TNNI2: variants seen among roughly 807,000 people sequenced by gnomAD.
The protein encoded by TNNI2 is troponin I2, fast skeletal type.
TNNI2 carries 14 observed loss-of-function variants against 26.5 expected under a neutral mutation model. The ratio of observed to expected loss-of-function variants is 0.53; its 90% CI spans 0.35 to 0.83. The LOEUF is 0.83. TNNI2 is among the 40% of genes least tolerant of loss of function. TNNI2 has a pLI of 0.01. For missense variants in TNNI2, 205 were observed against 248.5 expected, an observed-to-expected ratio of 0.82 and a Z score of 1.18; for synonymous variants, 126 against 97.6, an observed-to-expected ratio of 1.29 and a Z score of -1.71.
At position 1,840,802 on chromosome 11, in the gene TNNI2, C is replaced by G; in HGVS notation, c.187-17C>G. ...CCAAGTGTCAGGACGGCCGCCCGCC[C>G]CCACACCCACCCCTAGGAGCTCTGC... On this transcript the variant is annotated splice_polypyrimidine_tract_variant and intron_variant, in intron 5 of 7. Coordinates refer to ENST00000381911, the MANE Select transcript of TNNI2 (RefSeq NM_003282.4). 6.2e-7 allele frequency: 1 copy of G among 1,608,598 alleles called. No individual in the cohort carries two copies. Among genetic ancestry groups the G allele is most frequent in the Non-Finnish European group, 8.5e-7 (1 of 1,178,030 alleles).
chr11:1,841,051 G>A lies in TNNI2; in HGVS notation c.297G>A (p.Lys99=). The part of the protein sequence containing the change: ...TSKELEDMNQ[K]LFDLRGKFKR... Reference sequence around the variant, plus strand: ...CACAGCTGGAGGACATGAACCAGAAGCTATTTGATCTGCGGGGCAAGTTCA... The same window carrying A: ...CACAGCTGGAGGACATGAACCAGAAACTATTTGATCTGCGGGGCAAGTTCA... The change falls in exon 7 of 8, where the codon AAG becomes AAA. Residue 99 remains lysine, a synonymous_variant. Coordinates refer to ENST00000381911, the MANE Select transcript of TNNI2 (RefSeq NM_003282.4). The A allele has an allele frequency of 1.9e-6, 3 of 1,613,124 alleles. No individual in the cohort carries two copies. The highest frequency in any genetic ancestry group is 1.1e-5 in the South Asian group (1 of 91,078).
chr11:1,840,650 A>C lies in TNNI2; in HGVS notation c.180A>C (p.Glu60Asp), dbSNP rs576629453. Reference sequence around the variant, plus strand: ...TGCATATCCCGGGCTCCATGTCTGAAGTGCAGGTACCAGCCCCTCCCCGGC... The same window carrying C: ...TGCATATCCCGGGCTCCATGTCTGACGTGCAGGTACCAGCCCCTCCCCGGC... ...PPLHIPGSMS[E>D]VQELCKQLHA... The change falls in exon 5 of 8, where the codon GAA (glutamate) becomes GAC (aspartate). Residue 60 changes from glutamate to aspartate, a missense_variant. By Grantham distance (45) the Glu-to-Asp change is conservative. Coordinates refer to ENST00000381911, the MANE Select transcript of TNNI2 (RefSeq NM_003282.4). The C allele has an allele frequency of 6.2e-7, 1 of 1,612,756 alleles. No homozygotes were observed. Among genetic ancestry groups the C allele is most frequent in the Admixed American group, 1.7e-5 (1 of 60,020 alleles).
chr11:1,840,119 C>A, intron 3 of TNNI2: 1 of 1,277,358 alleles, frequency 7.8e-7, no homozygotes, highest in Non-Finnish European at 1.1e-6. Flanking sequence ...CTTCCCGCCC[C>A]CACCTCACCG....
intron 1 of TNNI2, 181 bp from the exon 2 acceptor site, chr11:1,839,494 C>T: frequency 1.6e-6 from 1 of 623,214 alleles, no homozygotes; most frequent in Non-Finnish European, 2.8e-6. Flanking sequence ...TACTTCTCAC[C>T]CTGGGGAATT....
rs113795611 is a variant in TNNI2 at position 1,839,720 on chromosome 11, G to C, written c.8+16G>C. Reference sequence around the variant, plus strand: ...GGATGGGAGAGTAAGTGGTACCCCTGTACCCCCATACAGTGACCCTGCCCA... The same window carrying C: ...GGATGGGAGAGTAAGTGGTACCCCTCTACCCCCATACAGTGACCCTGCCCA... On this transcript the variant is annotated intron_variant, in intron 2 of 7. Coordinates refer to ENST00000381911, the MANE Select transcript of TNNI2 (RefSeq NM_003282.4). 1.2e-6 allele frequency: 2 copies of C among 1,613,818 alleles called. No individual in the cohort carries two copies.
intron 2 of TNNI2, 33 bp from the exon 3 acceptor site, chr11:1,839,816 C>T: frequency 6.2e-7 from 1 of 1,613,848 alleles, no homozygotes; most frequent in African/African-American, 1.3e-5. Flanking sequence ...GTCTTCTCTC[C>T]CCGTCCTGCC....
Position 1,840,566 on chromosome 11 carries a change from G to A in TNNI2, c.96G>A (p.Lys32=). 1 of 1,612,624 alleles carries A rather than the reference G, an allele frequency of 6.2e-7. No homozygotes were observed. The highest frequency in any genetic ancestry group is 8.5e-7 in the Non-Finnish European group (1 of 1,179,804). The change falls in exon 5 of 8, where the codon AAG becomes AAA. Residue 32 remains lysine (K), a synonymous_variant. Transcript: ENST00000381911. ...MLQIAATELE[K]EESRREAEKQ... ...AGATAGCGGCCACGGAGCTGGAGAA[G>A]GAGGAGAGCCGCCGTGAGGCAGAGA...
chr11:1,841,089 T>C lies in TNNI2; in HGVS notation c.335T>C (p.Leu112Pro). Residue 112 changes from leucine to proline, a missense_variant, in exon 7 of 8, where the codon CTG (leucine) becomes CCG (proline). Physicochemically the swap from Leu to Pro is moderately conservative, Grantham distance 98. Coordinates refer to ENST00000381911, the MANE Select transcript of TNNI2 (RefSeq NM_003282.4). ...DLRGKFKRPP[L>P]RRVRMSADAM... is the part of the protein sequence containing the mutation. ...CGGGGCAAGTTCAAGCGGCCCCCAC[T>C]GCGGAGGGTGCGCATGTCGGCCGAT... is the stretch of plus-strand genomic sequence containing the variant. 1 of 1,613,136 alleles carries C rather than the reference T, an allele frequency of 6.2e-7. No homozygotes were observed. The highest frequency in any genetic ancestry group is 8.5e-7 in the Non-Finnish European group (1 of 1,179,954).
chr11:1,840,926 G>T lies in TNNI2; in HGVS notation c.276+18G>T. Reference sequence around the variant, plus strand: ...GCAAGGAGGTGAGTGGTGGCGGCGGGCCGGCGGCAGGCGGGTAGGCGGTGG... The same window carrying T: ...GCAAGGAGGTGAGTGGTGGCGGCGGTCCGGCGGCAGGCGGGTAGGCGGTGG... On this transcript the variant is annotated intron_variant, in intron 6 of 7. Transcript: ENST00000381911. 6.2e-7 allele frequency: 1 copy of T among 1,608,798 alleles called. No individual in the cohort carries two copies. Among genetic ancestry groups the T allele is most frequent in the Non-Finnish European group, 8.5e-7 (1 of 1,177,818 alleles).
intron 3 of TNNI2, chr11:1,840,105 T>A: frequency 1.7e-6 from 2 of 1,194,018 alleles, no homozygotes; most frequent in Non-Finnish European, 2.4e-6. Context: ...TTCTGATTCC[T>A]GCACTTCCCG....
At chr11:1,839,786 C>T in intron 2 of TNNI2, 63 bp from the exon 3 acceptor site, 1 of 1,612,372 alleles carries the variant, frequency 6.2e-7, no homozygotes, top group East Asian at 2.2e-5. Flanking sequence ...CCGACCCCGC[C>T]AGCCATGGCC....
intron 7 of TNNI2, 96 bp downstream of exon 7, chr11:1,841,303 G>GC: frequency 6.4e-7 from 1 of 1,564,120 alleles, no homozygotes; most frequent in South Asian, 1.1e-5. Context: ...CACCTGCCCT[G>GC]CCGGGGGCCC....
At position 1,841,660 on chromosome 11, in the gene TNNI2, T is replaced by A; in HGVS notation, c.*109T>A. On this transcript the variant is annotated 3_prime_UTR_variant, in exon 8 of 8. Transcript: ENST00000381911. ...GGGCTGGCCTCACCACCACCGTCAA[T>A]AAAGGATTTGAATCCCCATGGCTGG... 1.0e-6 allele frequency: 1 copy of A among 1,000,196 alleles called. No individual in the cohort carries two copies. The highest frequency in any genetic ancestry group is 1.5e-6 in the Non-Finnish European group (1 of 647,578). 62.0% of individuals were successfully genotyped at this position (1,000,196 alleles called of 1,614,324 possible).
intron 3 of TNNI2, 132 bp from the exon 4 acceptor site, chr11:1,840,271 A>G: frequency 6.5e-7 from 1 of 1,549,284 alleles, no homozygotes; most frequent in Non-Finnish European, 8.7e-7. Flanking sequence ...CCTGCCCATC[A>G]TGGCCTCAGG....
chr11:1,839,984 T>C (rs1847126808), intron 3 of TNNI2, 129 bp downstream of exon 3: 1 of 1,408,740 alleles, frequency 7.1e-7, no homozygotes, highest in Non-Finnish European at 9.7e-7. Flanking sequence ...CTGGCAAAAG[T>C]GCCCCACCCA....
intron 1 of TNNI2, chr11:1,839,418 C>T (rs886386797): frequency 2.2e-6 from 1 of 460,662 alleles, no homozygotes; most frequent in South Asian, 2.4e-5. Flanking sequence ...CCATCCCACC[C>T]TCCCTCGGGG....
At chr11:1,839,555 A>T in intron 1 of TNNI2, 120 bp from the exon 2 acceptor site, 1 of 745,382 alleles carries the variant, frequency 1.3e-6, no homozygotes, top group East Asian at 3.3e-5. Flanking sequence ...AGGTGAGAGT[A>T]GGGGGTGGGC....
rs891800616 is a variant in TNNI2, at chr11:1,841,084, C to T, written c.330C>T (p.Pro110=). ...LFDLRGKFKR[P]PLRRVRMSAD... is the part of the protein sequence containing the mutation. ...ATCTGCGGGGCAAGTTCAAGCGGCC[C>T]CCACTGCGGAGGGTGCGCATGTCGG... Residue 110 remains proline (P), a synonymous_variant, in exon 7 of 8, where the codon CCC becomes CCT. Coordinates refer to ENST00000381911, the MANE Select transcript of TNNI2 (RefSeq NM_003282.4). 2.7e-5 allele frequency: 44 copies of T among 1,613,084 alleles called. No homozygotes were observed. The highest frequency in any genetic ancestry group is 3.5e-5 in the Non-Finnish European group (41 of 1,179,974).
Position 1,841,524 on chromosome 11 carries a change from G to A in TNNI2, c.522G>A (p.Arg174=). ...AGGAGAAGTCTGGCATGGAGGGCCG[G>A]AAGAAGATGTTTGAGTCCGAGTCCT... ...NIEEKSGMEG[R]KKMFESES is the part of the protein sequence containing the mutation. Residue 174 remains arginine, a synonymous_variant, in exon 8 of 8, where the codon CGG becomes CGA. Coordinates refer to ENST00000381911, the MANE Select transcript of TNNI2 (RefSeq NM_003282.4). 1 of 1,614,128 alleles carries A rather than the reference G, an allele frequency of 6.2e-7. No individual in the cohort carries two copies. The highest frequency in any genetic ancestry group is 8.5e-7 in the Non-Finnish European group (1 of 1,179,986).
Sources: gnomAD v4.1 joint callset for allele counts on GRCh38, gnomAD v4.1.1 for gene constraint, MANE v1.5 for transcripts, NCBI Gene and HGNC (gene_info 2026-07-23, HGNC 2026-07-21) for gene names.